ADAM32: variants seen among roughly 807,000 people sequenced by gnomAD.
ADAM32 encodes the protein disintegrin and metalloproteinase domain-containing protein 32.
A neutral mutation model predicts 114.9 loss-of-function variants in ADAM32; 89 were observed. That is an observed-to-expected ratio of 0.77 (90% CI 0.65 to 0.92). The LOEUF (loss-of-function observed/expected upper bound fraction) is 0.92. ADAM32 is among the 40% of genes least tolerant of loss of function. The probability of loss-of-function intolerance (pLI) is 0.00; values close to 1 mark genes in which losing one functional copy is unlikely to be tolerated. For synonymous variants in ADAM32, 285 were observed against 307.5 expected, an observed-to-expected ratio of 0.93 and a Z score of 0.77; for missense variants, 870 against 932.8, an observed-to-expected ratio of 0.93 and a Z score of 0.88.
rs991731031 is a variant in ADAM32 at position 39,175,681 on chromosome 8, G to T, written c.915+5684G>T. Among the ~76,000 whole-genome samples, 4 of 152,100 alleles carry T rather than the reference G, an allele frequency of 2.6e-5. No homozygotes were observed. The East Asian group carries it at 7.7e-4, about 29-fold the overall frequency. Reference sequence around the variant, plus strand: ...TGCTGGGTTTTGGTATCAGGATGACGCTGGGTTCATAAAATGAATTGGGGA... The same window carrying T: ...TGCTGGGTTTTGGTATCAGGATGACTCTGGGTTCATAAAATGAATTGGGGA... On this transcript the variant is annotated intron_variant, in intron 10 of 24. Coordinates refer to ENST00000379907, the MANE Select transcript of ADAM32 (RefSeq NM_145004.7).
At chr8:39,279,442 C>A (rs1307694446) in intron 22 of ADAM32, among the ~76,000 whole-genome samples, 1 of 152,154 alleles carries the variant, frequency 6.6e-6, no homozygotes, top group Non-Finnish European at 1.5e-5. Flanking sequence ...TGCCACCACG[C>A]CTGGCTAATT....
chr8:39,247,633 G>C (rs533450347), intron 17 of ADAM32, among the ~76,000 whole-genome samples: 1 of 151,882 alleles, frequency 6.6e-6, no homozygotes. Flanking sequence ...CTTCCATTCT[G>C]TGGCTTATCT....
intron 5 of ADAM32, among the ~76,000 whole-genome samples, chr8:39,150,256 A>C (rs1170513867): frequency 6.6e-6 from 1 of 152,140 alleles, no homozygotes; most frequent in Non-Finnish European, 1.5e-5. Context: ...TTGATTAGGT[A>C]ATTTCTGCTG....
At chr8:39,178,957 C>A (rs1020816857) in intron 10 of ADAM32, among the ~76,000 whole-genome samples, 2 of 152,122 alleles carry the variant, frequency 1.3e-5, no homozygotes, top group Non-Finnish European at 2.9e-5. Flanking sequence ...CCATATACTC[C>A]TGTAGGTGAT....
intron 10 of ADAM32, among the ~76,000 whole-genome samples, chr8:39,172,384 T>C (rs182585785): frequency 1.3e-3 from 203 of 152,304 alleles, no homozygotes; most frequent in Admixed American, 2.4e-3. Context: ...GTTTGTTACA[T>C]AGGTAAATGT....
rs537876972 is a variant in ADAM32, at chr8:39,170,085, A to G, written c.915+88A>G. On this transcript the variant is annotated intron_variant, in intron 10 of 24. Transcript: ENST00000379907. The stretch of plus-strand genomic sequence containing the variant: ...TATATATTTTGTACAATTTATGTGC[A>G]TGTTTCCATTTACAGATTGCATTTT... The G allele has an allele frequency of 2.4e-5, 24 of 1,012,820 alleles. No homozygotes were observed. The South Asian group carries it at 3.7e-4, about 16-fold the overall frequency. 62.7% of individuals were successfully genotyped at this position (1,012,820 alleles called of 1,614,324 possible). A position where few individuals can be genotyped will look rare whatever the true frequency, so the allele number is the denominator to read the frequency against.
chr8:39,268,131 G>A (rs1264585804), intron 19 of ADAM32, among the ~76,000 whole-genome samples: 1 of 152,126 alleles, frequency 6.6e-6, no homozygotes, highest in Non-Finnish European at 1.5e-5. Context: ...AGAATAATTG[G>A]GTAATAAAGT....
At chr8:39,107,688 G>T, upstream of ADAM32, 4 of 1,542,770 alleles carry the variant, frequency 2.6e-6, no homozygotes, top group South Asian at 1.2e-5. Context: ...AACGTGCGGG[G>T]AGCGGCCCCC....
chr8:39,265,661 G>A (rs1812306284), intron 19 of ADAM32, among the ~76,000 whole-genome samples: 1 of 152,052 alleles, frequency 6.6e-6, no homozygotes, highest in African/African-American at 2.4e-5. Context: ...TTATATATTT[G>A]CTTTATAGTG....
chr8:39,241,713 C>A (rs1810565578), intron 16 of ADAM32, among the ~76,000 whole-genome samples: 1 of 152,192 alleles, frequency 6.6e-6, no homozygotes, highest in African/African-American at 2.4e-5. Context: ...GGGCCTGGCC[C>A]ACAAAGTCAT....
chr8:39,283,554 A>C, intron 23 of ADAM32, 32 bp from the exon 24 acceptor site: 2 of 1,542,914 alleles, frequency 1.3e-6, no homozygotes, highest in South Asian at 2.4e-5. Flanking sequence ...GTATTATATC[A>C]GCCTAAAAAT....
chr8:39,224,306 G>A (rs1291238888), intron 14 of ADAM32, among the ~76,000 whole-genome samples: 1 of 152,142 alleles, frequency 6.6e-6, no homozygotes, highest in Non-Finnish European at 1.5e-5. Context: ...TGGGATTGGT[G>A]AATCATAAGG....
chr8:39,284,378 T>TAC (rs367964426), intron 24 of ADAM32, among the ~76,000 whole-genome samples: 2,696 of 142,066 alleles, frequency 0.019, 66 homozygotes, highest in African/African-American at 0.059. Context: ...CACACACACG[T>TAC]ACACACACAC....
chr8:39,238,917 G>A (rs1236486539), intron 16 of ADAM32, among the ~76,000 whole-genome samples: 1 of 151,760 alleles, frequency 6.6e-6, no homozygotes, highest in African/African-American at 2.4e-5. Flanking sequence ...ATGAAGTTTG[G>A]GATTATGTTA....
At chr8:39,230,581 G>A (rs1263019625) in intron 14 of ADAM32, among the ~76,000 whole-genome samples, 1 of 152,112 alleles carries the variant, frequency 6.6e-6, no homozygotes, top group Admixed American at 6.5e-5. Context: ...TCCTAACCTG[G>A]TATCTCACAT....
chr8:39,227,563 C>T (rs1220945189), intron 14 of ADAM32, among the ~76,000 whole-genome samples: 1 of 152,132 alleles, frequency 6.6e-6, no homozygotes, highest in Non-Finnish European at 1.5e-5. Flanking sequence ...CCAGCTTTCC[C>T]CCACTTCCGT....
rs575616758 is a variant in ADAM32 at position 39,248,726 on chromosome 8, G to A, written c.1902+2560G>A. Reference sequence around the variant, plus strand: ...CTTCCTGTATGATACTGAAATAGGAGTGGTGAGAGGAGACGTCCTTGCATT... The same window carrying A: ...CTTCCTGTATGATACTGAAATAGGAATGGTGAGAGGAGACGTCCTTGCATT... On this transcript the variant is annotated intron_variant, in intron 17 of 24. Transcript: ENST00000379907. Among the ~76,000 whole-genome samples, 8 of 152,204 alleles carry A rather than the reference G, an allele frequency of 5.3e-5. No individual in the cohort carries two copies. In the South Asian group the frequency reaches 1.7e-3, roughly 32 times the overall value.
At chr8:39,234,224 T>A in intron 16 of ADAM32, 142 bp downstream of exon 16, 1 of 642,246 alleles carries the variant, frequency 1.6e-6, no homozygotes. Context: ...TAAATTAGTC[T>A]CCAAATAGTA....
At chr8:39,137,579 G>A (rs1299373880) in intron 3 of ADAM32, among the ~76,000 whole-genome samples, 1 of 151,980 alleles carries the variant, frequency 6.6e-6, no homozygotes, top group African/African-American at 2.4e-5. Flanking sequence ...AGACCAGCCT[G>A]CCCAACATGG....
Sources: allele counts gnomAD v4.1 joint callset (sites outside exome capture counted in the v4.1 genomes callset), GRCh38; gene constraint gnomAD v4.1.1; transcripts MANE v1.5; gene names NCBI Gene and HGNC (gene_info 2026-07-23, HGNC 2026-07-21).